RGS8: variants seen among roughly 807,000 people sequenced by gnomAD.
The protein encoded by RGS8 is regulator of G-protein signaling 8.
In RGS8, 8 loss-of-function variants were observed where a neutral mutation model predicts 21.7. The ratio of observed to expected loss-of-function variants is 0.37; its 90% CI spans 0.22 to 0.66. The LOEUF is 0.66. Ranked by LOEUF, RGS8 falls within the 30% of genes least tolerant of loss-of-function variation. RGS8 has a pLI of 0.59. For synonymous variants in RGS8, 80 were observed against 83.6 expected (o/e 0.96, Z 0.24); for missense variants, 157 against 217.9 (o/e 0.72, Z 1.76).
intron 1 of RGS8, among the ~76,000 whole-genome samples, chr1:182,681,592 T>C (rs904105681): frequency 3.3e-5 from 5 of 152,098 alleles, no homozygotes; most frequent in African/African-American, 1.2e-4. Flanking sequence ...CAGGGAATAG[T>C]GGAGTGGAGT....
the RGS8 span, among the ~76,000 whole-genome samples, chr1:182,698,055 T>C: frequency 6.6e-6 from 1 of 152,184 alleles, no homozygotes; most frequent in East Asian, 1.9e-4. Context: ...TGTCCTCCCT[T>C]GACTTTTTCT....
At chr1:182,669,224 T>C (rs1664031566) in intron 3 of RGS8, among the ~76,000 whole-genome samples, 1 of 152,204 alleles carries the variant, frequency 6.6e-6, no homozygotes, top group Admixed American at 6.5e-5. Flanking sequence ...AGGGTAGAAG[T>C]AGGAGTCAAA....
chr1:182,691,959 A>G, the RGS8 span, among the ~76,000 whole-genome samples: 84 of 152,214 alleles, frequency 5.5e-4, no homozygotes, highest in African/African-American at 1.8e-3. Flanking sequence ...ACTTCAGCAA[A>G]GTTTCAGGAT....
chr1:182,678,442 T>G (rs1211057508), intron 1 of RGS8, among the ~76,000 whole-genome samples: 1 of 152,226 alleles, frequency 6.6e-6, no homozygotes, highest in Non-Finnish European at 1.5e-5. Flanking sequence ...GTCTATTATT[T>G]TATGCCTAGG....
intron 3 of RGS8, 127 bp downstream of exon 4, chr1:182,669,497 G>T: frequency 7.3e-7 from 1 of 1,375,040 alleles, no homozygotes. Context: ...AGGCCTATGG[G>T]GACAGATGAA....
the RGS8 span, among the ~76,000 whole-genome samples, chr1:182,692,684 A>G: frequency 5.3e-5 from 8 of 150,530 alleles, no homozygotes; most frequent in South Asian, 1.7e-3. Flanking sequence ...GCAAAAAAAA[A>G]AAAAAAAAAA....
chr1:182,674,178 G>T (rs765051911), upstream of RGS8, among the ~76,000 whole-genome samples: 6 of 152,102 alleles, frequency 3.9e-5, no homozygotes, highest in Admixed American at 3.9e-4. Context: ...CAAATCTCAC[G>T]CTGCCCCGGC....
the RGS8 span, among the ~76,000 whole-genome samples, chr1:182,727,902 A>T: frequency 6.6e-6 from 1 of 152,316 alleles, no homozygotes; most frequent in South Asian, 2.1e-4. Context: ...ACAAATGTAC[A>T]TTTACACTTC....
At chr1:182,722,638 T>C in the RGS8 span, among the ~76,000 whole-genome samples, 2 of 152,234 alleles carry the variant, frequency 1.3e-5, no homozygotes, top group Non-Finnish European at 2.9e-5. Flanking sequence ...TCTGTCATCC[T>C]GTGGCCTTCT....
At chr1:182,650,466 A>G (rs990596944) in intron 5 of RGS8, among the ~76,000 whole-genome samples, 1 of 152,246 alleles carries the variant, frequency 6.6e-6, no homozygotes, top group African/African-American at 2.4e-5. Context: ...TTTACTTGCA[A>G]GAGCCAGGAA....
the RGS8 span, among the ~76,000 whole-genome samples, chr1:182,727,002 T>G: frequency 1.3e-5 from 2 of 152,170 alleles, no homozygotes; most frequent in Non-Finnish European, 2.9e-5. Flanking sequence ...CAGTGAGAGA[T>G]GAATAACTTT....
the RGS8 span, among the ~76,000 whole-genome samples, chr1:182,716,587 G>A: frequency 6.6e-6 from 1 of 151,730 alleles, no homozygotes; most frequent in Non-Finnish European, 1.5e-5. Context: ...ATGATTCTTT[G>A]AGGTAGGTAT....
the RGS8 span, among the ~76,000 whole-genome samples, chr1:182,696,460 T>A: frequency 6.6e-6 from 1 of 152,126 alleles, no homozygotes; most frequent in Admixed American, 6.6e-5. Flanking sequence ...TGGGTTCAAG[T>A]GATTCTCATG....
At chr1:182,685,680 C>T (rs939430846), upstream of RGS8, among the ~76,000 whole-genome samples, 25 of 152,120 alleles carry the variant, frequency 1.6e-4, no homozygotes, top group African/African-American at 6.0e-4. Flanking sequence ...ACTGTCCTTC[C>T]CTGCTGCACT....
chr1:182,651,840 C>G (rs1247865943), intron 5 of RGS8, among the ~76,000 whole-genome samples: 1 of 152,200 alleles, frequency 6.6e-6, no homozygotes, highest in African/African-American at 2.4e-5. Context: ...AGCCTCAGTG[C>G]TCTTGGAGGA....
the RGS8 span, among the ~76,000 whole-genome samples, chr1:182,693,460 C>CA: frequency 1.3e-5 from 2 of 151,962 alleles, no homozygotes; most frequent in Non-Finnish European, 2.9e-5. Flanking sequence ...ATTAAGACAT[C>CA]AAAAAAATAA....
At chr1:182,689,723 C>T in the RGS8 span, among the ~76,000 whole-genome samples, 1 of 152,070 alleles carries the variant, frequency 6.6e-6, no homozygotes, top group Non-Finnish European at 1.5e-5. Context: ...GTCAAAGGAA[C>T]AAAGAAAGCT....
intron 5 of RGS8, among the ~76,000 whole-genome samples, chr1:182,651,385 T>G (rs1571311404): frequency 6.6e-6 from 1 of 152,330 alleles, no homozygotes; most frequent in East Asian, 1.9e-4. Flanking sequence ...GGTACAGTAT[T>G]TAGTAAATTA....
intron 3 of RGS8, among the ~76,000 whole-genome samples, chr1:182,668,825 G>A (rs941675345): frequency 1.6e-4 from 24 of 152,220 alleles, no homozygotes; most frequent in Admixed American, 7.9e-4. Context: ...CACGCCTTGC[G>A]AGCAGCTGAT....
Sources: allele counts gnomAD v4.1 joint callset (sites outside exome capture counted in the v4.1 genomes callset), GRCh38; gene constraint gnomAD v4.1.1; transcripts MANE v1.5; gene names NCBI Gene and HGNC (gene_info 2026-07-23, HGNC 2026-07-21).